The following CAMSAP1 variants were observed in gnomAD, a reference collection of about 807,000 sequenced individuals.
The protein encoded by CAMSAP1 is calmodulin-regulated spectrin-associated protein 1.
A neutral mutation model predicts 143.5 loss-of-function variants in CAMSAP1; 58 were observed. The ratio of observed to expected loss-of-function variants is 0.40; its 90% CI spans 0.33 to 0.50. The LOEUF is 0.50. Ranked by LOEUF, CAMSAP1 falls within the 20% of genes least tolerant of loss-of-function variation. The pLI is 0.45. For missense variants in CAMSAP1, 1,969 were observed against 2,115.7 expected (o/e 0.93, Z 1.36); for synonymous variants, 945 against 859.3 (o/e 1.10, Z -1.74).
chr9:135,906,187 T>C (rs1838772312), intron 1 of CAMSAP1, among the ~76,000 whole-genome samples: 1 of 152,244 alleles, frequency 6.6e-6, no homozygotes, highest in Non-Finnish European at 1.5e-5. Context: ...TGAACTCTTC[T>C]CTGGAAGGGC....
rs1835476605 is a variant in CAMSAP1, at chr9:135,821,869, C to T, written c.2792G>A (p.Arg931Lys). ...GTACTCCTTTGCAAAGTGCTCCGGC[C>T]TGAGGGGTGGGGCAGCCTCGGCCTT... Reference protein sequence around the residue: ...KGKAEAAPPLRPEHFAKEYSQ... With the variant: ...KGKAEAAPPLKPEHFAKEYSQ... The change falls in exon 11 of 17, where the codon AGG becomes AAG. Residue 931 changes from arginine to lysine, a missense_variant. Physicochemically the swap from Arg to Lys is conservative, Grantham distance 26. Coordinates refer to ENST00000389532, the MANE Select transcript of CAMSAP1 (RefSeq NM_015447.4). The surrounding 1 kb of genome is among the most constrained non-coding windows in gnomAD (Gnocchi z 4.6). The T allele has an allele frequency of 6.2e-7, 1 of 1,614,026 alleles. No individual in the cohort carries two copies. The highest frequency in any genetic ancestry group is 1.7e-5 in the Admixed American group (1 of 60,032).
intron 3 of CAMSAP1, among the ~76,000 whole-genome samples, chr9:135,867,737 T>C (rs1837429682): frequency 6.6e-6 from 1 of 152,198 alleles, no homozygotes; most frequent in Admixed American, 6.5e-5. Context: ...CTCTGATCCC[T>C]GTGAAAATAA....
At chr9:135,833,684 C>T (rs1005545907) in intron 7 of CAMSAP1, among the ~76,000 whole-genome samples, 4 of 137,296 alleles carry the variant, frequency 2.9e-5, no homozygotes, top group Admixed American at 2.9e-4. Flanking sequence ...AAGACTTAAA[C>T]TAAGACTAAT....
chr9:135,827,756 ATAT>A (rs1440228661), intron 7 of CAMSAP1, among the ~76,000 whole-genome samples, 172 bp from the exon 8 acceptor site: 2 of 152,256 alleles, frequency 1.3e-5, no homozygotes, highest in Non-Finnish European at 2.9e-5. Context: ...AGTACTACAA[ATAT>A]TATACCGAAG....
intron 7 of CAMSAP1, among the ~76,000 whole-genome samples, chr9:135,828,353 G>GT (rs1835747685): frequency 6.6e-6 from 1 of 152,252 alleles, no homozygotes; most frequent in South Asian, 2.1e-4. Context: ...GAGGAGGGAA[G>GT]TAAGGACGAG....
intron 1 of CAMSAP1, among the ~76,000 whole-genome samples, chr9:135,891,238 C>T (rs1362193612): frequency 1.3e-5 from 2 of 152,208 alleles, no homozygotes; most frequent in Admixed American, 1.3e-4. Flanking sequence ...CAGAGCTGTG[C>T]AGTGGCAGCA....
chr9:135,838,689 C>A lies in CAMSAP1; in HGVS notation c.1046-11105G>T, dbSNP rs57865990. Among the ~76,000 whole-genome samples, 5 of 149,254 alleles carry A rather than the reference C, an allele frequency of 3.3e-5. No homozygotes were observed. In the East Asian group the frequency reaches 6.1e-4, roughly 18 times the overall value. On this transcript the variant is annotated intron_variant, in intron 7 of 16. Transcript: ENST00000389532. ...ACTTTCCACCCGTTCTACAGACACACGTCATCACGCACTTTCCACCCGTTC... is the reference window on the plus strand; with the variant it reads ...ACTTTCCACCCGTTCTACAGACACAAGTCATCACGCACTTTCCACCCGTTC...
At chr9:135,888,302 G>T (rs1163422687) in intron 1 of CAMSAP1, among the ~76,000 whole-genome samples, 1 of 152,226 alleles carries the variant, frequency 6.6e-6, no homozygotes, top group Non-Finnish European at 1.5e-5. Flanking sequence ...GGCAGGTCAG[G>T]AAGTGGCCAT....
rs867800740 is a variant in CAMSAP1 at position 135,867,784 on chromosome 9, G to A, written c.586-1248C>T. Reference sequence around the variant, plus strand: ...TAATTTAAAAGCTGAAAATCCACAGGACAAACAAGGCAAGAGGGGAACCCT... The same window carrying A: ...TAATTTAAAAGCTGAAAATCCACAGAACAAACAAGGCAAGAGGGGAACCCT... On this transcript the variant is annotated intron_variant, in intron 3 of 16. Coordinates refer to ENST00000389532, the MANE Select transcript of CAMSAP1 (RefSeq NM_015447.4). 7.4e-4 allele frequency among the ~76,000 whole-genome samples: 113 copies of A among 152,146 alleles called. 1 individual carries two copies. The highest frequency in any genetic ancestry group is 2.5e-3 in the African/African-American group (104 of 41,418).
At chr9:135,838,391 T>C in intron 7 of CAMSAP1, among the ~76,000 whole-genome samples, 1 of 142,148 alleles carries the variant, frequency 7.0e-6, no homozygotes, top group African/African-American at 2.6e-5. Context: ...TTTCCACCCG[T>C]TCTACAGACA....
At position 135,824,802 on chromosome 9, in the gene CAMSAP1, T is replaced by C; in HGVS notation, c.1302A>G (p.Gly434=). Residue 434 remains glycine (G), a synonymous_variant, in exon 9 of 17, where the codon GGA becomes GGG. Transcript: ENST00000389532. The surrounding 1 kb of genome is among the most constrained non-coding windows in gnomAD (Gnocchi z 4.1). Reference sequence around the variant, plus strand: ...CAACATTCTTACCAGGGATGTCCTCTCCCTGTATGGATTTCTGCTGTTTCT... The same window carrying C: ...CAACATTCTTACCAGGGATGTCCTCCCCCTGTATGGATTTCTGCTGTTTCT... ...LRQKQQKSIQ[G]EDIPDQRHRS... 1 of 1,593,092 alleles carries C rather than the reference T, an allele frequency of 6.3e-7. No homozygotes were observed. Among genetic ancestry groups the C allele is most frequent in the Non-Finnish European group, 8.5e-7 (1 of 1,169,934 alleles).
chr9:135,867,477 C>CCCT (rs762998180), intron 3 of CAMSAP1, among the ~76,000 whole-genome samples: 24 of 139,542 alleles, frequency 1.7e-4, no homozygotes, highest in African/African-American at 2.7e-4. Context: ...AGACCCCCCT[C>CCCT]TTTTTTTTTT....
chr9:135,851,900 TC>T (rs1348292308), intron 5 of CAMSAP1, among the ~76,000 whole-genome samples: 28 of 152,356 alleles, frequency 1.8e-4, no homozygotes, highest in African/African-American at 6.3e-4. Flanking sequence ...GAGAGGGGAC[TC>T]GCTGGGCCAC....
intron 5 of CAMSAP1, among the ~76,000 whole-genome samples, chr9:135,857,938 T>C (rs1320225008): frequency 6.6e-6 from 1 of 152,132 alleles, no homozygotes; most frequent in Non-Finnish European, 1.5e-5. Flanking sequence ...TCAGTTCTCC[T>C]CAAGAGTGTC....
intron 6 of CAMSAP1, 23 bp from the exon 7 acceptor site, chr9:135,850,256 C>A (rs1369198923): frequency 1.2e-6 from 2 of 1,612,700 alleles, no homozygotes; most frequent in African/African-American, 1.3e-5. Flanking sequence ...AACAAAAAAC[C>A]AAAGTATGAT....
chr9:135,881,939 C>T (rs1294182714), intron 2 of CAMSAP1, 145 bp from the exon 3 acceptor site: 5 of 971,254 alleles, frequency 5.1e-6, no homozygotes, highest in East Asian at 5.3e-5. Context: ...AGATTTGAGA[C>T]CTGCCTCCCC....
At chr9:135,836,154 A>C in intron 7 of CAMSAP1, 1 of 985,432 alleles carries the variant, frequency 1.0e-6, no homozygotes, top group Non-Finnish European at 1.2e-6. Flanking sequence ...AGAGAAGCCC[A>C]TGTGCATCTA....
At chr9:135,874,471 T>G (rs1837667297) in intron 3 of CAMSAP1, among the ~76,000 whole-genome samples, 1 of 22,330 alleles carries the variant, frequency 4.5e-5, no homozygotes, top group Admixed American at 8.4e-4. Context: ...AGACCCTGTC[T>G]CAAAAAAGGG....
At chr9:135,834,838 T>C (rs1046023929) in intron 7 of CAMSAP1, among the ~76,000 whole-genome samples, 2 of 152,174 alleles carry the variant, frequency 1.3e-5, no homozygotes, top group East Asian at 1.9e-4. Flanking sequence ...CAGTTCACTA[T>C]GTATACGTGT....
Sources: allele counts gnomAD v4.1 joint callset (sites outside exome capture counted in the v4.1 genomes callset), GRCh38; gene constraint gnomAD v4.1.1; non-coding constraint Gnocchi (gnomAD v3.1); transcripts MANE v1.5; gene names NCBI Gene and HGNC (gene_info 2026-07-23, HGNC 2026-07-21).